TUSC3: variants seen among roughly 807,000 people sequenced by gnomAD.
TUSC3 encodes dolichyl-diphosphooligosaccharide--protein glycosyltransferase subunit TUSC3.
TUSC3 carries 45 observed loss-of-function variants against 44.8 expected under a neutral mutation model. That is an observed-to-expected ratio of 1.00 (90% CI 0.79 to 1.29). The LOEUF (loss-of-function observed/expected upper bound fraction) is 1.29, where lower values mean the gene tolerates loss of function less well. Ranked by LOEUF, TUSC3 falls within the 50% of genes most tolerant of loss-of-function variation. The probability of loss-of-function intolerance (pLI) is 0.00; values close to 1 mark genes in which losing one functional copy is unlikely to be tolerated. For missense variants in TUSC3, 519 were observed against 437.9 expected (o/e 1.19, Z -1.65); for synonymous variants, 212 against 152.9 (o/e 1.39, Z -2.85).
chr8:15,459,223 GA>G (rs1168479943), intron 1 of TUSC3, among the ~76,000 whole-genome samples: 1 of 152,050 alleles, frequency 6.6e-6, no homozygotes, highest in Non-Finnish European at 1.5e-5. Context: ...ATTTTTCACT[GA>G]ATTAATATTA....
chr8:15,767,665 A>G (rs1812367673), downstream of TUSC3, among the ~76,000 whole-genome samples: 5 of 152,094 alleles, frequency 3.3e-5, no homozygotes, highest in South Asian at 1.0e-3. Context: ...CTTTGGAGGG[A>G]GCAGAATAGA....
chr8:15,638,181 C>T (rs1397486768), intron 2 of TUSC3, among the ~76,000 whole-genome samples: 9 of 141,896 alleles, frequency 6.3e-5, no homozygotes, highest in African/African-American at 1.0e-4. Context: ...CCCCGTATTT[C>T]GCCTCTGCTA....
the TUSC3 span, among the ~76,000 whole-genome samples, chr8:15,835,615 C>T: frequency 6.6e-6 from 1 of 150,972 alleles, no homozygotes; most frequent in African/African-American, 2.5e-5. Flanking sequence ...TGTAACCAGA[C>T]AATGTTGTTT....
intron 6 of TUSC3, among the ~76,000 whole-genome samples, chr8:15,700,573 A>G (rs993493740): frequency 3.3e-5 from 5 of 152,158 alleles, no homozygotes; most frequent in African/African-American, 1.2e-4. Context: ...TTGAGGGAAC[A>G]GAGAGTAATT....
At chr8:15,499,967 T>C (rs914643023) in intron 2 of TUSC3, among the ~76,000 whole-genome samples, 3 of 152,220 alleles carry the variant, frequency 2.0e-5, no homozygotes, top group Non-Finnish European at 4.4e-5. Context: ...ATATAGATCA[T>C]ATTTCCAGCA....
In TUSC3 at chr8:15,568,703, A is replaced by G. The variant is rs117572332; in HGVS notation, c.138+28135A>G. Among the ~76,000 whole-genome samples the G allele has an allele frequency of 8.7e-3, 1,316 of 151,756 alleles. 15 individuals are homozygous for G. Among genetic ancestry groups the G allele is most frequent in the Non-Finnish European group, 0.014 (931 of 67,950 alleles). ...CTGCAACTTCCATCTGCCAGGTTCA[A>G]CTGATTCTCCTGCCTCAGCCTCCCA... On this transcript the variant is annotated intron_variant, in intron 1 of 10. Coordinates refer to ENST00000503731, the MANE Select transcript of TUSC3 (RefSeq NM_006765.4).
intron 2 of TUSC3, among the ~76,000 whole-genome samples, chr8:15,640,008 G>A (rs1206797894): frequency 6.6e-6 from 1 of 152,162 alleles, no homozygotes; most frequent in Non-Finnish European, 1.5e-5. Context: ...AGAAAGGGGA[G>A]CTCCCAAGTG....
chr8:15,850,392 T>G, the TUSC3 span, among the ~76,000 whole-genome samples: 10 of 152,224 alleles, frequency 6.6e-5, no homozygotes, highest in African/African-American at 2.4e-4. Flanking sequence ...CCAATTTAGT[T>G]ATATTATTCA....
In TUSC3 at chr8:15,648,725, C is replaced by CAA. The variant is rs58526383; in HGVS notation, c.309-1942_309-1941dup. Among the ~76,000 whole-genome samples, 238 of 26,138 alleles carry CAA rather than the reference C, an allele frequency of 9.1e-3. 46 individuals are homozygous for CAA. The highest frequency in any genetic ancestry group is 0.019 in the African/African-American group (144 of 7,676). 17.1% of individuals were successfully genotyped at this position (26,138 alleles called of 152,430 possible). Reference sequence around the variant, plus strand: ...TGGGTGACAGAGCAAGACTCTGTGTCAAAAAAAAAAAAAAAAAAAAAAAAA... The same window carrying CAA: ...TGGGTGACAGAGCAAGACTCTGTGTCAAAAAAAAAAAAAAAAAAAAAAAAAAA... On this transcript the variant is annotated intron_variant, in intron 2 of 10. Coordinates refer to ENST00000503731, the MANE Select transcript of TUSC3 (RefSeq NM_006765.4).
chr8:15,517,260 G>T (rs558077517), intron 2 of TUSC3, among the ~76,000 whole-genome samples: 1 of 152,194 alleles, frequency 6.6e-6, no homozygotes, highest in South Asian at 2.1e-4. Context: ...GATTTGTGTA[G>T]TGTTGTAAAA....
chr8:15,473,524 A>G (rs766574743), intron 1 of TUSC3, among the ~76,000 whole-genome samples: 18 of 152,320 alleles, frequency 1.2e-4, no homozygotes, highest in African/African-American at 4.1e-4. Flanking sequence ...CACCCCCACT[A>G]TTTCAACGTA....
At chr8:15,720,190 G>A (rs986308145) in intron 6 of TUSC3, among the ~76,000 whole-genome samples, 7 of 134,990 alleles carry the variant, frequency 5.2e-5, no homozygotes, top group Non-Finnish European at 7.9e-5. Flanking sequence ...TAAATATAGT[G>A]TATATATATA....
intron 1 of TUSC3, among the ~76,000 whole-genome samples, chr8:15,585,289 A>G (rs941099590): frequency 6.6e-6 from 1 of 152,142 alleles, no homozygotes; most frequent in Non-Finnish European, 1.5e-5. Context: ...GGTTCAAGAG[A>G]GAGGTACAGA....
chr8:15,704,851 T>A, intron 6 of TUSC3, among the ~76,000 whole-genome samples: 1 of 151,880 alleles, frequency 6.6e-6, no homozygotes, highest in East Asian at 1.9e-4. Context: ...AAACTGGGAA[T>A]CAAAAGGGTT....
At chr8:15,426,300 A>C (rs1046259881) in intron 1 of TUSC3, among the ~76,000 whole-genome samples, 2 of 152,184 alleles carry the variant, frequency 1.3e-5, no homozygotes, top group Non-Finnish European at 2.9e-5. Flanking sequence ...TTGAAGTCCA[A>C]AATACCATAT....
chr8:15,462,984 C>T (rs982656266), intron 1 of TUSC3, among the ~76,000 whole-genome samples: 15 of 151,920 alleles, frequency 9.9e-5, no homozygotes, highest in African/African-American at 3.1e-4. Flanking sequence ...GCAATGGCTT[C>T]AATTCTTTAT....
At chr8:15,464,714 C>G (rs1036438596) in intron 1 of TUSC3, among the ~76,000 whole-genome samples, 3 of 152,140 alleles carry the variant, frequency 2.0e-5, no homozygotes, top group Admixed American at 1.3e-4. Context: ...CTTTTACTGT[C>G]TGTAAAGCAA....
At chr8:15,800,330 TG>T in the TUSC3 span, among the ~76,000 whole-genome samples, 1 of 152,130 alleles carries the variant, frequency 6.6e-6, no homozygotes, top group Non-Finnish European at 1.5e-5. Context: ...GCACTAAGGC[TG>T]GGAGGCTAAG....
chr8:15,565,303 A>G (rs1330074191), intron 1 of TUSC3, among the ~76,000 whole-genome samples: 4 of 152,020 alleles, frequency 2.6e-5, no homozygotes, highest in East Asian at 1.9e-4. Flanking sequence ...TTCCTGTTAC[A>G]GAGACCCTTA....
Sources: gnomAD v4.1 joint callset for allele counts (sites outside exome capture counted in the v4.1 genomes callset) on GRCh38, gnomAD v4.1.1 for gene constraint, MANE v1.5 for transcripts, NCBI Gene and HGNC (gene_info 2026-07-23, HGNC 2026-07-21) for gene names.